ZNF607: variants seen among roughly 807,000 people sequenced by gnomAD.
ZNF607 encodes zinc finger protein 607.
ZNF607 carries 5 observed loss-of-function variants against 12.8 expected under a neutral mutation model. That is an observed-to-expected ratio of 0.39 (90% CI 0.20 to 0.82). The LOEUF (loss-of-function observed/expected upper bound fraction) is 0.82. Among genes scored for constraint, ZNF607 ranks in the 40% least tolerant of loss-of-function variants. The pLI is 0.39. For missense variants in ZNF607, 851 were observed against 859.2 expected (o/e 0.99, Z 0.12); for synonymous variants, 287 against 276.2 (o/e 1.04, Z -0.39).
rs966077596 is a variant in ZNF607 at position 37,719,563 on chromosome 19, G to A, written c.-369C>T. On this transcript the variant is annotated 5_prime_UTR_variant, in exon 1 of 5. Coordinates refer to ENST00000355202, the MANE Select transcript of ZNF607 (RefSeq NM_032689.5). The stretch of plus-strand genomic sequence containing the variant: ...CCGCCTTCTTCAGGTGGAACCAAAA[G>A]GTCCCGGAACCGGAGCCAGGGGTCC... 1 of 152,374 alleles carries A rather than the reference G, an allele frequency of 6.6e-6. No homozygotes were observed. Among genetic ancestry groups the A allele is most frequent in the Non-Finnish European group, 1.5e-5 (1 of 68,162 alleles). The allele number at this position is 152,374 out of a possible 1,614,324, so 9.4% of individuals were successfully genotyped here.
At chr19:37,704,134 A>G (rs79986570) in intron 4 of ZNF607, among the ~76,000 whole-genome samples, 1 of 148,332 alleles carries the variant, frequency 6.7e-6, no homozygotes, top group Admixed American at 6.7e-5. Context: ...ACTCCGTCTG[A>G]AAAAAAAAAC....
intron 2 of ZNF607, 37 bp from the exon 3 acceptor site, chr19:37,709,859 C>A: frequency 6.2e-7 from 1 of 1,602,452 alleles, no homozygotes; most frequent in Non-Finnish European, 8.5e-7. Flanking sequence ...GGGGAAATTC[C>A]AAAATGGAGT....
intron 4 of ZNF607, among the ~76,000 whole-genome samples, chr19:37,701,596 G>A (rs1599661606): frequency 6.6e-6 from 1 of 152,186 alleles, no homozygotes; most frequent in African/African-American, 2.4e-5. Context: ...TTGTCCAAAT[G>A]TGTGCCCACC....
rs530017688 is a variant in ZNF607 at position 37,699,791 on chromosome 19, A to T, written c.340T>A (p.Tyr114Asn). Residue 114 changes from tyrosine (Y) to asparagine (N), a missense_variant, in exon 5 of 5, where the codon TAT becomes AAT. Coordinates refer to ENST00000355202, the MANE Select transcript of ZNF607 (RefSeq NM_032689.5). ...GACTTCTGACATTGCTTACACTCAT[A>T]TGGTTTCTGTCCATTATGAATTCTC... The part of the protein sequence containing the change: ...HQRIHNGQKP[Y>N]ECKQCQKSFS... The T allele has an allele frequency of 3.7e-6, 6 of 1,614,030 alleles. No homozygotes were observed. In the African/African-American group the frequency reaches 8.0e-5, roughly 22 times the overall value.
chr19:37,701,567 A>G (rs2045038995), intron 4 of ZNF607, among the ~76,000 whole-genome samples: 1 of 152,240 alleles, frequency 6.6e-6, no homozygotes, highest in South Asian at 2.1e-4. Context: ...CGTCAGGGAT[A>G]AGAACCCCTT....
rs2044993036 is a variant in ZNF607 at position 37,698,120 on chromosome 19, T to G, written c.2011A>C (p.Lys671Gln). 6.2e-7 allele frequency: 1 copy of G among 1,613,964 alleles called. No homozygotes were observed. ...CTGCATTTGTTACATTTAAAGGGTT[T>G]CTCACCAGTATGAACTCTATGATGT... ...SIHHRVHTGE[K>Q]PFKCNKCRRS... The change falls in exon 5 of 5, where the codon AAA becomes CAA. Residue 671 changes from lysine (K) to glutamine (Q), a missense_variant. By Grantham distance (53) the Lys-to-Gln change is moderately conservative (BLOSUM62 1). Coordinates refer to ENST00000355202, the MANE Select transcript of ZNF607 (RefSeq NM_032689.5).
intron 4 of ZNF607, among the ~76,000 whole-genome samples, chr19:37,702,964 T>G (rs2045051548): frequency 6.6e-6 from 1 of 151,912 alleles, no homozygotes; most frequent in South Asian, 2.1e-4. Flanking sequence ...TTTACTTTTT[T>G]TTTTTGAGAT....
intron 4 of ZNF607, among the ~76,000 whole-genome samples, chr19:37,701,047 G>A (rs2045034813): frequency 1.3e-5 from 2 of 152,136 alleles, no homozygotes; most frequent in South Asian, 2.1e-4. Flanking sequence ...ACAAAAAGCT[G>A]CTAAAAAGAC....
chr19:37,712,284 A>C (rs1432382349), intron 1 of ZNF607, among the ~76,000 whole-genome samples: 1 of 152,238 alleles, frequency 6.6e-6, no homozygotes, highest in Non-Finnish European at 1.5e-5. Flanking sequence ...GATCAGACTG[A>C]CCAATACATT....
At chr19:37,706,231 G>A (rs1045709432) in intron 4 of ZNF607, among the ~76,000 whole-genome samples, 9 of 150,130 alleles carry the variant, frequency 6.0e-5, no homozygotes, top group Non-Finnish European at 7.4e-5. Context: ...GGAGAAAGGA[G>A]AGGAGAAAGG....
intron 3 of ZNF607, among the ~76,000 whole-genome samples, chr19:37,709,298 AAAGT>A (rs1164543861): frequency 6.6e-6 from 1 of 152,200 alleles, no homozygotes; most frequent in African/African-American, 2.4e-5. Flanking sequence ...ACCCTCTTTC[AAAGT>A]AATATCACTG....
In ZNF607 at chr19:37,699,038, A is replaced by G; in HGVS notation, c.1093T>C (p.Tyr365His). Reference protein sequence around the residue: ...PHTFESVEKPYKCEECGKAFS... With the variant: ...PHTFESVEKPHKCEECGKAFS... ...GCTTTCCCACATTCCTCACACTTATAAGGTTTCTCAACACTTTCAAATGTA... is the reference window on the plus strand; with the variant it reads ...GCTTTCCCACATTCCTCACACTTATGAGGTTTCTCAACACTTTCAAATGTA... The change falls in exon 5 of 5, where the codon TAT (tyrosine) becomes CAT (histidine). Residue 365 changes from tyrosine to histidine, a missense_variant. Coordinates refer to ENST00000355202, the MANE Select transcript of ZNF607 (RefSeq NM_032689.5). 6.2e-7 allele frequency: 1 copy of G among 1,614,034 alleles called. No individual in the cohort carries two copies.
intron 1 of ZNF607, 144 bp downstream of exon 1, chr19:37,719,125 T>C (rs931992936): frequency 6.5e-6 from 1 of 152,864 alleles, no homozygotes; most frequent in Non-Finnish European, 1.5e-5. Context: ...CATTTCTCTG[T>C]TGTAGTCGTA....
At chr19:37,707,275 T>C (rs1869470981) in intron 4 of ZNF607, among the ~76,000 whole-genome samples, 1 of 152,100 alleles carries the variant, frequency 6.6e-6, no homozygotes, top group African/African-American at 2.4e-5. Flanking sequence ...GTGGATCGCT[T>C]GAGCCCAGAA....
rs142464744 is a variant in ZNF607, at chr19:37,719,384, C to A, written c.-190G>T. On this transcript the variant is annotated 5_prime_UTR_variant, in exon 1 of 5. Transcript: ENST00000355202. ...AGAGACGGGCCCCTCCTCCGCAGCT[C>A]CAGCACCCTAGGGCCTGAGGAGGCG... is the stretch of plus-strand genomic sequence containing the variant. 944 of 152,990 alleles carry A rather than the reference C, an allele frequency of 6.2e-3. 3 individuals are homozygous for A. Among genetic ancestry groups the A allele is most frequent in the Non-Finnish European group, 0.01 (695 of 68,202 alleles). The allele number at this position is 152,990 out of a possible 1,614,324, so 9.5% of individuals were successfully genotyped here.
rs377122033 is a variant in ZNF607, at chr19:37,701,941, T to C, written c.236-2046A>G. ...ATATAATCACTAAGAGTCAGTAAAC[T>C]TGATTGATCAATAGAAATTATTCAA... is the stretch of plus-strand genomic sequence containing the variant. On this transcript the variant is annotated intron_variant, in intron 4 of 4. Transcript: ENST00000355202. Among the ~76,000 whole-genome samples, 13 of 152,200 alleles carry C rather than the reference T, an allele frequency of 8.5e-5. No homozygotes were observed. The South Asian group carries it at 2.7e-3, about 32-fold the overall frequency.
chr19:37,713,279 T>G (rs1320888321), intron 1 of ZNF607, among the ~76,000 whole-genome samples: 1 of 152,094 alleles, frequency 6.6e-6, no homozygotes, highest in Non-Finnish European at 1.5e-5. Context: ...ACAGACTCTA[T>G]CACACACTGC....
chr19:37,700,012 T>TA (rs2045025805), intron 4 of ZNF607, 117 bp from the exon 5 acceptor site: 2 of 1,009,428 alleles, frequency 2.0e-6, no homozygotes, highest in Non-Finnish European at 2.8e-6. Flanking sequence ...TTATAAAATA[T>TA]AAAAAATGAA....
At chr19:37,716,330 T>G (rs372001159) in intron 1 of ZNF607, among the ~76,000 whole-genome samples, 1 of 152,202 alleles carries the variant, frequency 6.6e-6, no homozygotes, top group Non-Finnish European at 1.5e-5. Flanking sequence ...ATTTCCTTAT[T>G]ATGCTGACTC....
Sources: allele counts gnomAD v4.1 joint callset (sites outside exome capture counted in the v4.1 genomes callset), GRCh38; gene constraint gnomAD v4.1.1; transcripts MANE v1.5; gene names NCBI Gene and HGNC (gene_info 2026-07-23, HGNC 2026-07-21).